Variants in ANKRD13D observed in about 807,000 individuals in gnomAD.
ANKRD13D encodes ankyrin repeat domain 13D, also known as ankyrin repeat domain-containing protein 13D.
Under a neutral mutation model 68.8 loss-of-function variants are expected in ANKRD13D, and 24 were observed. The observed-to-expected ratio is 0.35, with a 90% CI of 0.25 to 0.49. The LOEUF is 0.49. Ranked by LOEUF, ANKRD13D falls within the 20% of genes least tolerant of loss-of-function variation. The pLI, the probability that ANKRD13D is intolerant of heterozygous loss-of-function variation, is 0.99. For synonymous variants in ANKRD13D, 331 were observed against 336.1 expected (o/e 0.98, Z 0.16); for missense variants, 735 against 832.1 (o/e 0.88, Z 1.44).
intron 14 of ANKRD13D, 38 bp from the exon 15 acceptor site, chr11:67,302,081 C>A: frequency 6.7e-7 from 1 of 1,502,972 alleles, no homozygotes; most frequent in Middle Eastern, 2.4e-4. Flanking sequence ...CCTTGGCGCT[C>A]ACTGGCCTGT....
intron 6 of ANKRD13D, among the ~76,000 whole-genome samples, chr11:67,292,514 G>A (rs1860606070): frequency 6.6e-6 from 1 of 152,032 alleles, no homozygotes; most frequent in African/African-American, 2.4e-5. Context: ...TGGTGCGGCT[G>A]TGTTGGGGGC....
rs192481208 is a variant in ANKRD13D at position 67,291,643 on chromosome 11, C to T, written c.438C>T (p.Arg146=). The T allele has an allele frequency of 4.6e-5, 75 of 1,614,104 alleles. No individual in the cohort carries two copies. Among genetic ancestry groups the T allele is most frequent in the East Asian group, 8.9e-5 (4 of 44,878 alleles). Residue 146 remains arginine (R), a synonymous_variant, in exon 5 of 15, where the codon CGC becomes CGT. Coordinates refer to ENST00000511455, the MANE Select transcript of ANKRD13D (RefSeq NM_207354.3). Reference sequence around the variant, plus strand: ...AGATGTGCCCAAGCGATGTGTACCGCGTGTGGAAGCGGGGTGAGAGCCTGC... The same window carrying T: ...AGATGTGCCCAAGCGATGTGTACCGTGTGTGGAAGCGGGGTGAGAGCCTGC... ...VSKMCPSDVY[R]VWKRGESLRV...
At chr11:67,298,752 C>G (rs1860858828) in intron 6 of ANKRD13D, 1 of 390,678 alleles carries the variant, frequency 2.6e-6, no homozygotes, top group Non-Finnish European at 4.8e-6. Context: ...CCCAGATGTC[C>G]TAATGTTTCT....
chr11:67,290,685 A>G (rs1860498271), intron 3 of ANKRD13D: 4 of 527,184 alleles, frequency 7.6e-6, no homozygotes, highest in Non-Finnish European at 6.5e-6. Flanking sequence ...GGCCTCCTGA[A>G]GAATGCAGAT....
chr11:67,292,844 C>T (rs1434041164), intron 6 of ANKRD13D, among the ~76,000 whole-genome samples: 1 of 152,132 alleles, frequency 6.6e-6, no homozygotes, highest in Non-Finnish European at 1.5e-5. Flanking sequence ...CCTAAGCAAC[C>T]ACTAATCTAC....
At chr11:67,292,643 T>C (rs1219765442) in intron 6 of ANKRD13D, among the ~76,000 whole-genome samples, 1 of 152,114 alleles carries the variant, frequency 6.6e-6, no homozygotes, top group African/African-American at 2.4e-5. Flanking sequence ...ACAAAAAACC[T>C]TTATTGAGAT....
chr11:67,301,493 C>A lies in ANKRD13D; in HGVS notation c.1354C>A (p.Pro452Thr). 1 of 1,612,520 alleles carries A rather than the reference C, an allele frequency of 6.2e-7. No individual in the cohort carries two copies. Among genetic ancestry groups the A allele is most frequent in the Non-Finnish European group, 8.5e-7 (1 of 1,179,528 alleles). The stretch of plus-strand genomic sequence containing the variant: ...CCCCTCTGCCACCTGCCTAGGGAAC[C>A]CTTTCCCGTGCGAGGTGGACCCCAC... ...PSSAVAASGN[P>T]FPCEVDPTVF... Residue 452 changes from proline (P) to threonine (T), a missense_variant, in exon 13 of 15, where the codon CCT becomes ACT. Transcript: ENST00000511455. The surrounding 1 kb of genome is among the most constrained non-coding windows in gnomAD (Gnocchi z 4.5).
Position 67,299,323 on chromosome 11 carries a change from A to G in ANKRD13D, c.798+199A>G, listed in dbSNP as rs1489917765. The G allele has an allele frequency of 2.2e-5, 16 of 726,312 alleles. No individual in the cohort carries two copies. The highest frequency in any genetic ancestry group is 7.2e-5 in the South Asian group (4 of 55,906). The allele number at this position is 726,312 out of a possible 1,614,324, so 45.0% of individuals were successfully genotyped here. A position where few individuals can be genotyped will look rare whatever the true frequency, so the allele number is the denominator to read the frequency against. ...ATGGGCCCCTACCCAGGGTACCGAG[A>G]TCAAAAGAGGAGTGTGTTCCTCTTG... is the stretch of plus-strand genomic sequence containing the variant. On this transcript the variant is annotated intron_variant, in intron 7 of 14. Transcript: ENST00000511455. The surrounding 1 kb of genome is among the most constrained non-coding windows in gnomAD (Gnocchi z 6.2).
chr11:67,300,732 C>A lies in ANKRD13D; in HGVS notation c.1074-258C>A, dbSNP rs1275370674. 9.0e-6 allele frequency: 5 copies of A among 552,814 alleles called. No individual in the cohort carries two copies. Among genetic ancestry groups the A allele is most frequent in the Non-Finnish European group, 1.6e-5 (5 of 314,288 alleles). 34.2% of individuals were successfully genotyped at this position (552,814 alleles called of 1,614,324 possible). ...CAGAGAGAAGCCCACAGCCTGGCAC[C>A]TGGCCTCCTTGTCCAGACCAGATGA... On this transcript the variant is annotated intron_variant, in intron 10 of 14. Coordinates refer to ENST00000511455, the MANE Select transcript of ANKRD13D (RefSeq NM_207354.3). The surrounding 1 kb of genome is among the most constrained non-coding windows in gnomAD (Gnocchi z 4.3).
Position 67,299,730 on chromosome 11 carries a change from A to T in ANKRD13D, c.881-97A>T. On this transcript the variant is annotated intron_variant, in intron 8 of 14. Transcript: ENST00000511455. The surrounding 1 kb of genome is among the most constrained non-coding windows in gnomAD (Gnocchi z 6.2). ...TGGGAGGCCTCCCCATTCCCGTCTG[A>T]CCCCTCTTCCCCCAGACAGTAGGCT... 1 of 1,531,804 alleles carries T rather than the reference A, an allele frequency of 6.5e-7. No individual in the cohort carries two copies. Among genetic ancestry groups the T allele is most frequent in the Non-Finnish European group, 8.8e-7 (1 of 1,132,696 alleles). 94.9% of individuals were successfully genotyped at this position (1,531,804 alleles called of 1,614,324 possible). A position where few individuals can be genotyped will look rare whatever the true frequency, so the allele number is the denominator to read the frequency against.
At chr11:67,297,141 T>G (rs1020677199) in intron 6 of ANKRD13D, among the ~76,000 whole-genome samples, 3 of 152,220 alleles carry the variant, frequency 2.0e-5, no homozygotes, top group Admixed American at 2.0e-4. Flanking sequence ...AAGGTTAGGT[T>G]AAGGTTATTG....
intron 6 of ANKRD13D, chr11:67,298,726 G>A (rs969606438): frequency 6.6e-6 from 2 of 304,612 alleles, no homozygotes; most frequent in Non-Finnish European, 1.2e-5. Context: ...GTTTCCTAGA[G>A]TGTGTCAAAG....
In ANKRD13D at chr11:67,302,328, A is replaced by ACTGAGCC; in HGVS notation, c.1815_*3dup. The ACTGAGCC allele has an allele frequency of 1.3e-6, 2 of 1,523,416 alleles. No individual in the cohort carries two copies. The highest frequency in any genetic ancestry group is 1.8e-6 in the Non-Finnish European group (2 of 1,127,698). The allele number at this position is 1,523,416 out of a possible 1,614,324, so 94.4% of individuals were successfully genotyped here. A position where few individuals can be genotyped will look rare whatever the true frequency, so the allele number is the denominator to read the frequency against. On this transcript the variant is annotated stop_gained and frameshift_variant, in exon 15 of 15. Transcript: ENST00000511455. LOFTEE classifies it high-confidence loss of function. ...ATCCTGCAGCTGTCACTCACTGAGC[A>ACTGAGCC]CTGAGCCATAGCCCCGGGAGGGCTG... is the stretch of plus-strand genomic sequence containing the variant.
intron 5 of ANKRD13D, 28 bp downstream of exon 5, chr11:67,291,774 TCCTCGGC>T (rs771717314): frequency 1.4e-5 from 22 of 1,610,082 alleles, no homozygotes; most frequent in Non-Finnish European, 1.8e-5. Context: ...TCATTGCAGC[TCCTCGGC>T]CCTTGGGTTT....
At position 67,299,637 on chromosome 11, in the gene ANKRD13D, G is replaced by A; in HGVS notation, c.880+26G>A. 6.5e-7 allele frequency: 1 copy of A among 1,549,808 alleles called. No homozygotes were observed. Among genetic ancestry groups the A allele is most frequent in the Non-Finnish European group, 8.7e-7 (1 of 1,146,354 alleles). ...GTAAACCCAGGTGCGCCTGCCTGCT[G>A]CCCGGTCACACCGTGTGGTGGGGTC... On this transcript the variant is annotated intron_variant, in intron 8 of 14. Transcript: ENST00000511455. The surrounding 1 kb of genome is among the most constrained non-coding windows in gnomAD (Gnocchi z 6.2).
intron 5 of ANKRD13D, 115 bp from the exon 6 acceptor site, chr11:67,291,876 G>A: frequency 1.3e-6 from 2 of 1,505,510 alleles, no homozygotes; most frequent in Non-Finnish European, 1.8e-6. Context: ...GGCATCCAGG[G>A]GCCAAGACTG....
In ANKRD13D at chr11:67,299,002, C is replaced by A. The variant is rs1478833041; in HGVS notation, c.732-56C>A. On this transcript the variant is annotated intron_variant, in intron 6 of 14. Transcript: ENST00000511455. This position sits in a 1 kb window ranked among gnomAD's most constrained non-coding sequence, Gnocchi z 6.2. ...CTGGAGGGGGCTTTGGAAAGGAAGGCTTTGGCCAGCGTGTGAGGGTGCAGG... is the reference window on the plus strand; with the variant it reads ...CTGGAGGGGGCTTTGGAAAGGAAGGATTTGGCCAGCGTGTGAGGGTGCAGG... The A allele has an allele frequency of 6.3e-7, 1 of 1,593,842 alleles. No individual in the cohort carries two copies. The highest frequency in any genetic ancestry group is 1.3e-5 in the African/African-American group (1 of 74,594).
chr11:67,289,758 G>A (rs1590861922), intron 1 of ANKRD13D: 3 of 1,412,836 alleles, frequency 2.1e-6, no homozygotes, highest in South Asian at 1.6e-5. Flanking sequence ...GCCTTGCCCT[G>A]CTCGCCCGAA....
At chr11:67,290,051 C>G in intron 1 of ANKRD13D, 27 bp from the exon 2 acceptor site, 1 of 1,533,104 alleles carries the variant, frequency 6.5e-7, no homozygotes, top group Non-Finnish European at 8.7e-7. Context: ...TCTCTCCTGC[C>G]CTTTGTGAGT....
Sources: gnomAD v4.1 joint callset for allele counts (sites outside exome capture counted in the v4.1 genomes callset) on GRCh38, gnomAD v4.1.1 for gene constraint, Gnocchi (gnomAD v3.1) non-coding constraint, MANE v1.5 for transcripts, NCBI Gene and HGNC (gene_info 2026-07-23, HGNC 2026-07-21) for gene names.